CDYL: variants seen among roughly 807,000 people sequenced by gnomAD.
CDYL encodes the protein chromodomain Y-like protein.
In CDYL, 8 loss-of-function variants were observed where a neutral mutation model predicts 47.3. The observed-to-expected ratio is 0.17, with a 90% CI of 0.10 to 0.31. The LOEUF is 0.31. Ranked by LOEUF, CDYL falls within the 10% of genes least tolerant of loss-of-function variation. The probability of loss-of-function intolerance (pLI) is 1.00; values close to 1 mark genes in which losing one functional copy is unlikely to be tolerated. For synonymous variants in CDYL, 266 were observed against 265.0 expected, an observed-to-expected ratio of 1.00 and a Z score of -0.04; for missense variants, 471 against 701.4, an observed-to-expected ratio of 0.67 and a Z score of 3.71.
intron 2 of CDYL, among the ~76,000 whole-genome samples, chr6:4,899,195 A>G (rs1561696537): frequency 6.6e-6 from 1 of 152,212 alleles, no homozygotes; most frequent in Non-Finnish European, 1.5e-5. Flanking sequence ...AATGAATTAA[A>G]TATAACAAGT....
chr6:4,826,436 A>C (rs1219513487), intron 1 of CDYL, among the ~76,000 whole-genome samples: 1 of 152,004 alleles, frequency 6.6e-6, no homozygotes, highest in African/African-American at 2.4e-5. Context: ...TTAAGGTGTA[A>C]AGTTAGGCTG....
Position 4,922,569 on chromosome 6 carries a change from C to T in CDYL, c.692-12946C>T, listed in dbSNP as rs114804460. Among the ~76,000 whole-genome samples, 1,263 of 152,268 alleles carry T rather than the reference C, an allele frequency of 8.3e-3. 18 individuals carry two copies. The highest frequency in any genetic ancestry group is 0.029 in the African/African-American group (1,217 of 41,556). On this transcript the variant is annotated intron_variant, in intron 2 of 6. Transcript: ENST00000397588. ...GGTGCAGCTTTAACGAGCAGCACGG[C>T]GTAATCCAGGTGGTGCCCACCAGTA...
chr6:4,861,225 G>A (rs756128018), intron 1 of CDYL, among the ~76,000 whole-genome samples: 4 of 152,244 alleles, frequency 2.6e-5, no homozygotes, highest in Non-Finnish European at 4.4e-5. Flanking sequence ...ATACGGTGAT[G>A]CCTAGGTTAC....
In CDYL at chr6:4,891,940, C is replaced by T; in HGVS notation, c.252C>T (p.Ser84=). 6.2e-7 allele frequency: 1 copy of T among 1,614,176 alleles called. No individual in the cohort carries two copies. Among genetic ancestry groups the T allele is most frequent in the South Asian group, 1.1e-5 (1 of 91,082 alleles). Residue 84 remains serine (S), a synonymous_variant, in exon 2 of 7, where the codon TCC becomes TCT. Coordinates refer to ENST00000397588, the MANE Select transcript of CDYL (RefSeq NM_004824.4). ...CCAACAATGCTAGGAAACAAATCTC[C>T]AGATCCACCAACAGCAACTTTTCTA... ...TSPNNARKQI[S]RSTNSNFSKT...
chr6:4,776,825 G>T lies in CDYL; in HGVS notation c.24+18G>T. Reference sequence around the variant, plus strand: ...TGTACGAGGTACCTCCCCTCCCCCCGGCCTCGGGCCGCCCCCCGCCCGCCG... The same window carrying T: ...TGTACGAGGTACCTCCCCTCCCCCCTGCCTCGGGCCGCCCCCCGCCCGCCG... On this transcript the variant is annotated intron_variant, in intron 1 of 6. Transcript: ENST00000397588. 2 of 442,904 alleles carry T rather than the reference G, an allele frequency of 4.5e-6. No individual in the cohort carries two copies. Among genetic ancestry groups the T allele is most frequent in the Non-Finnish European group, 5.9e-6 (2 of 341,128 alleles). 27.4% of individuals were successfully genotyped at this position (442,904 alleles called of 1,614,324 possible).
intron 1 of CDYL, among the ~76,000 whole-genome samples, chr6:4,879,231 A>G (rs763547321): frequency 1.1e-4 from 17 of 152,336 alleles, no homozygotes; most frequent in Non-Finnish European, 2.4e-4. Flanking sequence ...TGAAGTCTTT[A>G]GTGAATTATA....
chr6:4,876,380 G>T (rs948314900), intron 1 of CDYL, among the ~76,000 whole-genome samples: 1 of 152,150 alleles, frequency 6.6e-6, no homozygotes, highest in Non-Finnish European at 1.5e-5. Context: ...GGGTCACAGG[G>T]TAGGTATGTA....
Position 4,943,738 on chromosome 6 carries a change from G to T in CDYL, c.1314G>T (p.Lys438Asn). Residue 438 changes from lysine (K) to asparagine (N), a missense_variant, in exon 5 of 7, where the codon AAG becomes AAT. Physicochemically the swap from Lys to Asn is moderately conservative, Grantham distance 94. This residue lies in a region of CDYL where 103 missense variants were observed against 277.1 expected (regional missense o/e 0.37). Transcript: ENST00000397588. ...GCTGTTCTACCGTTATGTTTCCCAA[G>T]ATAATGGGAGGAGCATCTGTGAGTA... The part of the protein sequence containing the change: ...PDGCSTVMFP[K>N]IMGGASANEM... 6.4e-7 allele frequency: 1 copy of T among 1,564,762 alleles called. No homozygotes were observed. The highest frequency in any genetic ancestry group is 8.7e-7 in the Non-Finnish European group (1 of 1,151,326).
chr6:4,776,915 C>G, intron 1 of CDYL, 108 bp downstream of exon 1: 2 of 351,636 alleles, frequency 5.7e-6, no homozygotes, highest in Non-Finnish European at 8.0e-6. Context: ...CGCGTCCCCT[C>G]CCCCGCCGCG....
At chr6:4,749,305 ATAGATG>A (rs1216976773) in intron 3 of CDYL, among the ~76,000 whole-genome samples, 3 of 113,822 alleles carry the variant, frequency 2.6e-5, no homozygotes, top group African/African-American at 8.7e-5. Context: ...GGATGGATGG[ATAGATG>A]GATGGATGGA....
At chr6:4,873,994 T>G (rs1247232292) in intron 1 of CDYL, among the ~76,000 whole-genome samples, 3 of 152,166 alleles carry the variant, frequency 2.0e-5, no homozygotes, top group African/African-American at 7.2e-5. Flanking sequence ...ATTCCTTAGC[T>G]ACATTCCCAA....
intron 1 of CDYL, among the ~76,000 whole-genome samples, chr6:4,777,727 T>G (rs1056661429): frequency 2.0e-5 from 3 of 152,196 alleles, no homozygotes; most frequent in African/African-American, 7.2e-5. Flanking sequence ...TAAGGAAGCA[T>G]CTGTAACAAG....
intron 1 of CDYL, among the ~76,000 whole-genome samples, chr6:4,851,704 G>A (rs1355685461): frequency 1.3e-5 from 2 of 152,268 alleles, no homozygotes; most frequent in Non-Finnish European, 1.5e-5. Flanking sequence ...AAGTCTTAAC[G>A]CAACAATCCC....
chr6:4,766,595 C>T (rs1758255055), intron 3 of CDYL, among the ~76,000 whole-genome samples: 1 of 152,060 alleles, frequency 6.6e-6, no homozygotes, highest in African/African-American at 2.4e-5. Flanking sequence ...GCTTTATAAG[C>T]AAATGCATAC....
intron 1 of CDYL, among the ~76,000 whole-genome samples, chr6:4,804,025 CT>C (rs1759300676): frequency 7.1e-6 from 1 of 139,906 alleles, no homozygotes; most frequent in South Asian, 2.3e-4. Context: ...TTTTAAAATA[CT>C]TTGTTTGCCG....
chr6:4,734,178 GAGGGGAAAGGACT>G (rs1480824226), intron 2 of CDYL, among the ~76,000 whole-genome samples: 2 of 152,270 alleles, frequency 1.3e-5, no homozygotes, highest in African/African-American at 2.4e-5. Flanking sequence ...GTCGGGAAGG[GAGGGGAAAGGACT>G]AGGGGAAAGG....
chr6:4,944,020 A>G lies in CDYL; in HGVS notation c.1332+264A>G, dbSNP rs944725193. Among the ~76,000 whole-genome samples the G allele has an allele frequency of 5.9e-5, 9 of 152,336 alleles. No homozygotes were observed. The East Asian group carries it at 1.2e-3, about 20-fold the overall frequency. Reference sequence around the variant, plus strand: ...TAGTAAATACCCAATCAGTAACCCAACCAACAATTTGCAATTGAAAAGTTC... The same window carrying G: ...TAGTAAATACCCAATCAGTAACCCAGCCAACAATTTGCAATTGAAAAGTTC... On this transcript the variant is annotated intron_variant, in intron 5 of 6. Transcript: ENST00000397588.
intron 2 of CDYL, among the ~76,000 whole-genome samples, chr6:4,902,935 A>G (rs1453365641): frequency 6.6e-6 from 1 of 152,210 alleles, no homozygotes; most frequent in Non-Finnish European, 1.5e-5. Flanking sequence ...AAATGGTAAA[A>G]TGGAAGTGTT....
intron 3 of CDYL, among the ~76,000 whole-genome samples, chr6:4,743,149 A>G (rs1757826568): frequency 2.0e-5 from 3 of 152,162 alleles, no homozygotes; most frequent in Admixed American, 2.0e-4. Flanking sequence ...AAGAAGAAAG[A>G]AGTTGGGTGA....
Sources: allele counts gnomAD v4.1 joint callset (sites outside exome capture counted in the v4.1 genomes callset), GRCh38; gene constraint gnomAD v4.1.1; regional missense constraint gnomAD v4.1.1; transcripts MANE v1.5; gene names NCBI Gene and HGNC (gene_info 2026-07-23, HGNC 2026-07-21).